Variants in RIT2 observed in about 807,000 individuals in gnomAD.
RIT2 encodes GTP-binding protein Rit2.
In RIT2, 24 loss-of-function variants were observed where a neutral mutation model predicts 23.7. The observed-to-expected ratio is 1.01, with a 90% confidence interval of 0.73 to 1.43. RIT2 has a LOEUF of 1.43. Among genes scored for constraint, RIT2 ranks in the 40% most tolerant of loss-of-function variants. The probability of loss-of-function intolerance (pLI) is 0.00; values close to 1 mark genes in which losing one functional copy is unlikely to be tolerated. For synonymous variants in RIT2, 107 were observed against 91.1 expected, an observed-to-expected ratio of 1.17 and a Z score of -0.99; for missense variants, 236 against 266.9, an observed-to-expected ratio of 0.88 and a Z score of 0.81.
Position 42,759,751 on chromosome 18 carries a change from A to G in RIT2, c.427-16031T>C, listed in dbSNP as rs1913255293. The stretch of plus-strand genomic sequence containing the variant: ...CACACACACACACACACACACACAC[A>G]CACATACGGATATATATATATATAT... On this transcript the variant is annotated intron_variant, in intron 4 of 4. Coordinates refer to ENST00000326695, the MANE Select transcript of RIT2 (RefSeq NM_002930.4). Among the ~76,000 whole-genome samples, 8 of 116,272 alleles carry G rather than the reference A, an allele frequency of 6.9e-5. No homozygotes were observed. In the Admixed American group the frequency reaches 7.2e-4, roughly 10 times the overall value. The allele number at this position is 116,272 out of a possible 152,430, so 76.3% of individuals were successfully genotyped here. A position where few individuals can be genotyped will look rare whatever the true frequency, so the allele number is the denominator to read the frequency against.
intron 4 of RIT2, among the ~76,000 whole-genome samples, chr18:42,851,774 C>A (rs1020692762): frequency 6.6e-6 from 1 of 152,092 alleles, no homozygotes; most frequent in East Asian, 1.9e-4. Flanking sequence ...TGCTTGAACC[C>A]AGGAGGCGGG....
At chr18:43,002,022 G>A (rs1911118977) in intron 2 of RIT2, among the ~76,000 whole-genome samples, 3 of 151,914 alleles carry the variant, frequency 2.0e-5, no homozygotes, top group African/African-American at 7.2e-5. Context: ...GCTCACACAA[G>A]CCCAAGGTGA....
At chr18:43,024,435 C>T (rs1911663428) in intron 2 of RIT2, among the ~76,000 whole-genome samples, 1 of 151,826 alleles carries the variant, frequency 6.6e-6, no homozygotes. Context: ...AAATGTAAGA[C>T]CTAAAAATAT....
intron 4 of RIT2, among the ~76,000 whole-genome samples, chr18:42,903,264 G>C (rs533864775): frequency 2.0e-5 from 3 of 152,038 alleles, no homozygotes; most frequent in Non-Finnish European, 4.4e-5. Context: ...AAAGATAAGA[G>C]AAAACAGGTT....
At chr18:42,978,207 G>A (rs1568045198) in intron 2 of RIT2, among the ~76,000 whole-genome samples, 1 of 151,850 alleles carries the variant, frequency 6.6e-6, no homozygotes, top group African/African-American at 2.4e-5. Context: ...CACATGAAAC[G>A]TATATCAAAT....
intron 4 of RIT2, among the ~76,000 whole-genome samples, chr18:42,832,268 A>G (rs1906480305): frequency 6.6e-6 from 1 of 152,250 alleles, no homozygotes; most frequent in Admixed American, 6.5e-5. Context: ...CATTACATTT[A>G]ATCTTGAGTC....
intron 3 of RIT2, among the ~76,000 whole-genome samples, chr18:42,931,260 T>C (rs1178027495): frequency 1.3e-5 from 2 of 152,156 alleles, no homozygotes; most frequent in East Asian, 3.9e-4. Context: ...GGAATGAGGA[T>C]TGGAGGCTGG....
intron 2 of RIT2, among the ~76,000 whole-genome samples, chr18:43,007,959 T>G (rs558480013): frequency 5.9e-5 from 9 of 151,756 alleles, no homozygotes; most frequent in African/African-American, 2.2e-4. Flanking sequence ...CTTTATGAAT[T>G]AAGAAACTAA....
chr18:42,935,087 T>C (rs2144149869), intron 3 of RIT2, among the ~76,000 whole-genome samples: 1 of 152,228 alleles, frequency 6.6e-6, no homozygotes, highest in South Asian at 2.1e-4. Context: ...ATCAGGGTAA[T>C]TAAATAAAGA....
At chr18:42,921,091 A>G (rs1909044847) in intron 4 of RIT2, among the ~76,000 whole-genome samples, 1 of 152,146 alleles carries the variant, frequency 6.6e-6, no homozygotes, top group Admixed American at 6.6e-5. Context: ...TTCATTTGTC[A>G]GATGTCCTCA....
At chr18:42,812,629 G>A (rs1338407968) in intron 4 of RIT2, among the ~76,000 whole-genome samples, 2 of 151,898 alleles carry the variant, frequency 1.3e-5, no homozygotes, top group Non-Finnish European at 2.9e-5. Flanking sequence ...ATATCCTTAG[G>A]GTTTAACAAA....
intron 2 of RIT2, among the ~76,000 whole-genome samples, chr18:43,012,227 T>C (rs147913668): frequency 3.8e-4 from 57 of 151,996 alleles, no homozygotes; most frequent in African/African-American, 1.2e-3. Context: ...AGGTCAAGAC[T>C]ATTTGTTTTA....
intron 4 of RIT2, among the ~76,000 whole-genome samples, chr18:42,915,156 A>G (rs1253307578): frequency 4.8e-5 from 1 of 20,758 alleles, no homozygotes; most frequent in Admixed American, 6.3e-4. Flanking sequence ...AATTATACAC[A>G]CACACACACA....
At position 42,836,162 on chromosome 18, in the gene RIT2, A is replaced by G. The variant is rs566821783; in HGVS notation, c.426+87410T>C. ...CACAAACTTTAATCAAACCAAACCA[A>G]CCAATATTAAATAAGAAATCTTTCA... On this transcript the variant is annotated intron_variant, in intron 4 of 4. Transcript: ENST00000326695. Among the ~76,000 whole-genome samples the G allele has an allele frequency of 2.0e-5, 3 of 152,296 alleles. No homozygotes were observed. The South Asian group carries it at 6.2e-4, about 32-fold the overall frequency.
intron 4 of RIT2, among the ~76,000 whole-genome samples, chr18:42,902,024 T>A (rs1459815485): frequency 1.3e-5 from 2 of 151,942 alleles, no homozygotes; most frequent in African/African-American, 2.4e-5. Context: ...TTGCAAAAAT[T>A]ATAAAACAAT....
chr18:42,995,833 C>T (rs1266684411), intron 2 of RIT2, among the ~76,000 whole-genome samples: 2 of 152,152 alleles, frequency 1.3e-5, no homozygotes, highest in Non-Finnish European at 2.9e-5. Flanking sequence ...AAAAACTTGT[C>T]ATCTCTACTA....
chr18:42,829,304 G>T (rs544217486), intron 4 of RIT2, among the ~76,000 whole-genome samples: 1 of 152,174 alleles, frequency 6.6e-6, no homozygotes, highest in African/African-American at 2.4e-5. Flanking sequence ...TTTAGATCTA[G>T]AATTACAAAA....
intron 1 of RIT2, among the ~76,000 whole-genome samples, chr18:43,105,112 G>GTGTGTT (rs1568083657): frequency 2.7e-4 from 41 of 150,920 alleles, no homozygotes; most frequent in African/African-American, 9.8e-4. Context: ...GTGTGTGTGT[G>GTGTGTT]TGTGTGTGTG....
chr18:42,865,302 T>G (rs1907440262), intron 4 of RIT2, among the ~76,000 whole-genome samples: 1 of 152,192 alleles, frequency 6.6e-6, no homozygotes, highest in South Asian at 2.1e-4. Context: ...CTTGAGGACC[T>G]GATGTGGAGT....
Sources: gnomAD v4.1 joint callset for allele counts (sites outside exome capture counted in the v4.1 genomes callset) on GRCh38, gnomAD v4.1.1 for gene constraint, MANE v1.5 for transcripts, NCBI Gene and HGNC (gene_info 2026-07-23, HGNC 2026-07-21) for gene names.